MYO6: variants seen among roughly 807,000 people sequenced by gnomAD.
MYO6 encodes myosin VI.
A neutral mutation model predicts 178.7 loss-of-function variants in MYO6; 74 were observed. The observed-to-expected ratio is 0.41, with a 90% confidence interval of 0.34 to 0.50. The LOEUF is 0.50. Among genes scored for constraint, MYO6 ranks in the 20% least tolerant of loss-of-function variants. The pLI is 0.09. For synonymous variants in MYO6, 477 were observed against 504.6 expected, an observed-to-expected ratio of 0.95 and a Z score of 0.73; for missense variants, 1,330 against 1,547.4, an observed-to-expected ratio of 0.86 and a Z score of 2.36.
At position 75,915,707 on chromosome 6, in the gene MYO6, T is replaced by C. The variant is rs1353949758; in HGVS notation, c.*695T>C. 6.5e-6 allele frequency: 1 copy of C among 152,676 alleles called. No individual in the cohort carries two copies. The highest frequency in any genetic ancestry group is 1.5e-5 in the Non-Finnish European group (1 of 68,054). 9.5% of individuals were successfully genotyped at this position (152,676 alleles called of 1,614,324 possible). On this transcript the variant is annotated 3_prime_UTR_variant, in exon 35 of 35. Coordinates refer to ENST00000369977, the MANE Select transcript of MYO6 (RefSeq NM_004999.4). ...TGTGTGTTGCTGTCAGAATATTCTTTTTATATTCTGTGGAAAAATAAAGGA... is the reference window on the plus strand; with the variant it reads ...TGTGTGTTGCTGTCAGAATATTCTTCTTATATTCTGTGGAAAAATAAAGGA...
intron 25 of MYO6, among the ~76,000 whole-genome samples, chr6:75,888,917 A>T (rs965569003): frequency 8.6e-5 from 13 of 151,964 alleles, no homozygotes; most frequent in African/African-American, 3.1e-4. Flanking sequence ...TTTTGTTTTG[A>T]TTTTTATTTA....
chr6:75,836,641 G>A (rs1307194877), intron 7 of MYO6, among the ~76,000 whole-genome samples: 1 of 149,588 alleles, frequency 6.7e-6, no homozygotes. Flanking sequence ...GGAGTGCAGT[G>A]GCTTGATCTT....
At position 75,895,409 on chromosome 6, in the gene MYO6, A is replaced by T. The variant is rs994176949; in HGVS notation, c.3137+149A>T. 1.7e-5 allele frequency: 11 copies of T among 666,104 alleles called. 1 individual carries two copies. The Admixed American group carries it at 2.6e-4, about 16-fold the overall frequency. The allele number at this position is 666,104 out of a possible 1,614,324, so 41.3% of individuals were successfully genotyped here. A position where few individuals can be genotyped will look rare whatever the true frequency, so the allele number is the denominator to read the frequency against. On this transcript the variant is annotated intron_variant, in intron 29 of 34. Transcript: ENST00000369977. ...TATTTTTCTTGTCTAGGAAAGTTTA[A>T]TGCTCTTGTATGGTGCTCAATCACA... is the stretch of plus-strand genomic sequence containing the variant.
In MYO6 at chr6:75,902,969, T is replaced by C. The variant is rs1387973888; in HGVS notation, c.3176+4558T>C. 3.3e-5 allele frequency among the ~76,000 whole-genome samples: 5 copies of C among 151,768 alleles called. No homozygotes were observed. The South Asian group carries it at 1.0e-3, about 32-fold the overall frequency. On this transcript the variant is annotated intron_variant, in intron 30 of 34. Coordinates refer to ENST00000369977, the MANE Select transcript of MYO6 (RefSeq NM_004999.4). The stretch of plus-strand genomic sequence containing the variant: ...TCAAAGAACATCTTTATTTCTGCCT[T>C]CATTTTGTTATGTACCCAGTAGTCA...
rs1780996400 is a variant in MYO6, at chr6:75,914,376, A to G, written c.3658+95A>G. On this transcript the variant is annotated intron_variant, in intron 34 of 34. Coordinates refer to ENST00000369977, the MANE Select transcript of MYO6 (RefSeq NM_004999.4). The stretch of plus-strand genomic sequence containing the variant: ...CTAATGTATAATATAATAATTTATT[A>G]CATTTCAGGGTTGAGGGATGGAGTC... 5 of 1,278,288 alleles carry G rather than the reference A, an allele frequency of 3.9e-6. No homozygotes were observed. The Admixed American group carries it at 7.6e-5, about 19-fold the overall frequency. 79.2% of individuals were successfully genotyped at this position (1,278,288 alleles called of 1,614,324 possible). A position where few individuals can be genotyped will look rare whatever the true frequency, so the allele number is the denominator to read the frequency against.
intron 1 of MYO6, among the ~76,000 whole-genome samples, chr6:75,800,290 T>C (rs9443193): frequency 0.02 from 3,108 of 152,194 alleles, 106 homozygotes; most frequent in African/African-American, 0.071. Flanking sequence ...CACCATACAG[T>C]GTGTTTCCCA....
In MYO6 at chr6:75,866,275, CTG is replaced by C. The variant is rs10687890; in HGVS notation, c.1675-219_1675-218del. ...TTTCTCTCCGTCTCTGTCTCTGTCT[CTG>C]TGTGTGTGTGTGTGTGTGTGTGTGT... On this transcript the variant is annotated intron_variant, in intron 16 of 34. Transcript: ENST00000369977. Among the ~76,000 whole-genome samples the C allele has an allele frequency of 0.022, 2,617 of 119,002 alleles. 30 individuals are homozygous for C. The highest frequency in any genetic ancestry group is 0.026 in the Non-Finnish European group (1,351 of 51,324). 78.1% of individuals were successfully genotyped at this position (119,002 alleles called of 152,430 possible).
At chr6:75,803,161 T>C (rs551451187) in intron 1 of MYO6, among the ~76,000 whole-genome samples, 4 of 152,382 alleles carry the variant, frequency 2.6e-5, no homozygotes, top group South Asian at 4.1e-4. Context: ...GAAAATCATA[T>C]AATCAGTTCT....
chr6:75,907,796 G>A (rs1780451907), intron 31 of MYO6, 88 bp downstream of exon 31: 1 of 450,698 alleles, frequency 2.2e-6, no homozygotes, highest in Non-Finnish European at 3.8e-6. Flanking sequence ...GTGTGTGTAT[G>A]TGTGTGTGTG....
chr6:75,833,075 C>A, intron 6 of MYO6, 128 bp downstream of exon 6: 1 of 698,614 alleles, frequency 1.4e-6, no homozygotes, highest in Non-Finnish European at 2.6e-6. Flanking sequence ...TAGCCTTGAC[C>A]TCCTGGGCTC....
chr6:75,884,177 ATGT>A (rs960738497), intron 23 of MYO6, among the ~76,000 whole-genome samples: 3 of 152,172 alleles, frequency 2.0e-5, no homozygotes, highest in African/African-American at 7.2e-5. Flanking sequence ...TCTTTGCAGA[ATGT>A]TAATAGGAAA....
chr6:75,763,310 C>T (rs1778115354), intron 1 of MYO6, among the ~76,000 whole-genome samples: 1 of 152,168 alleles, frequency 6.6e-6, no homozygotes, highest in Non-Finnish European at 1.5e-5. Flanking sequence ...AGGCGTGAGC[C>T]ACTGTGCCCG....
intron 7 of MYO6, among the ~76,000 whole-genome samples, chr6:75,837,302 A>G (rs1028138607): frequency 6.6e-6 from 1 of 152,222 alleles, no homozygotes; most frequent in African/African-American, 2.4e-5. Flanking sequence ...AATATGCTGA[A>G]GCTCATATAG....
chr6:75,865,369 T>TTC (rs1776568071), intron 16 of MYO6: 1 of 140,160 alleles, frequency 7.1e-6, no homozygotes, highest in Admixed American at 7.1e-5. Flanking sequence ...TTTTTTTTTT[T>TTC]TTTTTTTTTT....
At chr6:75,762,705 G>A (rs1157691246) in intron 1 of MYO6, among the ~76,000 whole-genome samples, 1 of 152,152 alleles carries the variant, frequency 6.6e-6, no homozygotes, top group African/African-American at 2.4e-5. Context: ...CGCTGCCAGT[G>A]GATGAGAGAG....
At chr6:75,795,599 C>T (rs1370725412) in intron 1 of MYO6, among the ~76,000 whole-genome samples, 1 of 152,146 alleles carries the variant, frequency 6.6e-6, no homozygotes, top group African/African-American at 2.4e-5. Context: ...CATACTATTC[C>T]ACTGGGAGAC....
intron 1 of MYO6, among the ~76,000 whole-genome samples, chr6:75,788,720 G>A (rs1767931269): frequency 6.6e-6 from 1 of 152,188 alleles, no homozygotes; most frequent in Non-Finnish European, 1.5e-5. Flanking sequence ...TTACAGGCAT[G>A]AACCACTGCC....
intron 30 of MYO6, 135 bp downstream of exon 30, chr6:75,898,546 C>A: frequency 2.7e-6 from 2 of 747,542 alleles, no homozygotes; most frequent in Non-Finnish European, 4.6e-6. Context: ...TCTTTCTGTA[C>A]AAGAAATATC....
chr6:75,755,953 A>G (rs1468448921), intron 1 of MYO6, among the ~76,000 whole-genome samples: 2 of 152,246 alleles, frequency 1.3e-5, no homozygotes. Context: ...AGGCTACTGC[A>G]TGACTTACTT....
Sources: gnomAD v4.1 joint callset for allele counts (sites outside exome capture counted in the v4.1 genomes callset) on GRCh38, gnomAD v4.1.1 for gene constraint, MANE v1.5 for transcripts, NCBI Gene and HGNC (gene_info 2026-07-23, HGNC 2026-07-21) for gene names.